Variants in NHSL1 observed in about 807,000 individuals in gnomAD.
The protein encoded by NHSL1 is NHS-like protein 1.
NHSL1 carries 48 observed loss-of-function variants against 95.0 expected under a neutral mutation model. The ratio of observed to expected loss-of-function variants is 0.51; its 90% CI spans 0.40 to 0.64. The LOEUF is 0.64. Ranked by LOEUF, NHSL1 falls within the 30% of genes least tolerant of loss-of-function variation. The pLI is 0.00. For synonymous variants in NHSL1, 783 were observed against 833.9 expected (o/e 0.94, Z 1.05); for missense variants, 1,971 against 2,077.7 (o/e 0.95, Z 1.00).
At chr6:138,689,862 G>C (rs574280746) in intron 1 of NHSL1, among the ~76,000 whole-genome samples, 1 of 152,042 alleles carries the variant, frequency 6.6e-6, no homozygotes, top group South Asian at 2.1e-4. Flanking sequence ...TGGCCAGGCT[G>C]ATCTTGAACT....
chr6:138,504,175 C>G (rs1009430068), upstream of NHSL1, among the ~76,000 whole-genome samples: 19 of 152,124 alleles, frequency 1.2e-4, no homozygotes, highest in African/African-American at 4.6e-4. Context: ...TTTGAGGTTG[C>G]AGTGAGCTAT....
chr6:138,528,792 T>C (rs918540323), intron 1 of NHSL1, among the ~76,000 whole-genome samples: 2 of 152,182 alleles, frequency 1.3e-5, no homozygotes, highest in Admixed American at 6.5e-5. Flanking sequence ...GTTTTTAGAA[T>C]TGCAGTAAGA....
chr6:138,508,858 AT>A (rs150702643), intron 1 of NHSL1, among the ~76,000 whole-genome samples: 7,459 of 152,302 alleles, frequency 0.049, 212 homozygotes, highest in African/African-American at 0.078. Flanking sequence ...CAGAAAAAAA[AT>A]AATTTCATTA....
intron 1 of NHSL1, 57 bp downstream of exon 1, chr6:138,499,176 T>C (rs1463535912): frequency 1.3e-5 from 15 of 1,142,826 alleles, no homozygotes; most frequent in South Asian, 6.7e-5. Context: ...CAGGGACATA[T>C]ACACATATGG....
Position 138,432,122 on chromosome 6 carries a change from T to C in NHSL1, c.2223A>G (p.Thr741=). Residue 741 remains threonine, a synonymous_variant, in exon 6 of 8, where the codon ACA becomes ACG. Coordinates refer to ENST00000343505, the MANE Select transcript of NHSL1 (RefSeq NM_001144060.2). The surrounding 1 kb of genome is among the most constrained non-coding windows in gnomAD (Gnocchi z 4.4). ...AAGTCATGCTGCTGCCAGCACTAACTGTGCTCTGGCTCCGGGAGCGGGGCA... is the reference window on the plus strand; with the variant it reads ...AAGTCATGCTGCTGCCAGCACTAACCGTGCTCTGGCTCCGGGAGCGGGGCA... ...PWLPRSRSQS[T]VSAGSSMTSA... 1 of 1,550,578 alleles carries C rather than the reference T, an allele frequency of 6.4e-7. No homozygotes were observed. The highest frequency in any genetic ancestry group is 8.7e-7 in the Non-Finnish European group (1 of 1,146,224).
rs186514346 is a variant in NHSL1, at chr6:138,686,418, G to A, written c.96+6058C>T. On this transcript the variant is annotated intron_variant, in intron 1 of 3. Transcript: ENST00000491526. ...TGCCTATAGTCCAGGCTACTAGCGA[G>A]GCTGAGGTGGGAGGATCATTTGAGC... 3.5e-3 allele frequency among the ~76,000 whole-genome samples: 529 copies of A among 152,150 alleles called. 3 individuals are homozygous for A. The highest frequency in any genetic ancestry group is 5.5e-3 in the Non-Finnish European group (377 of 68,000).
chr6:138,526,787 A>C (rs527587072), intron 1 of NHSL1, among the ~76,000 whole-genome samples: 1 of 152,208 alleles, frequency 6.6e-6, no homozygotes, highest in Non-Finnish European at 1.5e-5. Flanking sequence ...ATGTAACTTT[A>C]TATCATTTAT....
chr6:138,443,583 T>A (rs923049221), intron 4 of NHSL1, among the ~76,000 whole-genome samples: 7 of 152,158 alleles, frequency 4.6e-5, no homozygotes, highest in Admixed American at 1.3e-4. Flanking sequence ...TCCCAGCACA[T>A]TGGAGAGTTG....
chr6:138,625,852 A>C lies in NHSL1; in HGVS notation c.96+66624T>G, dbSNP rs139782803. ...AGAGATAGGGTCTCACCTGTTCCCC[A>C]GGTGGGTCTCAAACTCTTGGCCTCA... On this transcript the variant is annotated intron_variant, in intron 1 of 3. Transcript: ENST00000491526. Among the ~76,000 whole-genome samples the C allele has an allele frequency of 2.4e-3, 368 of 152,276 alleles. 1 individual carries two copies. Among genetic ancestry groups the C allele is most frequent in the African/African-American group, 8.2e-3 (342 of 41,544 alleles).
At chr6:138,546,858 GA>G (rs563694885), upstream of NHSL1, among the ~76,000 whole-genome samples, 171 of 152,312 alleles carry the variant, frequency 1.1e-3, no homozygotes, top group Middle Eastern at 0.01. Flanking sequence ...AACACAGGTG[GA>G]AAGTGGCAGA....
chr6:138,664,827 T>G (rs867243227), intron 1 of NHSL1, among the ~76,000 whole-genome samples: 1 of 151,990 alleles, frequency 6.6e-6, no homozygotes, highest in African/African-American at 2.4e-5. Flanking sequence ...CAGCAAAGAG[T>G]TGATGTTGCA....
chr6:138,618,170 A>G (rs1164457185), intron 1 of NHSL1, among the ~76,000 whole-genome samples: 1 of 152,236 alleles, frequency 6.6e-6, no homozygotes, highest in African/African-American at 2.4e-5. Context: ...TGCTAAAGGA[A>G]GAATACCTGT....
At chr6:138,516,339 CTTGGGCCTA>C (rs1339640191) in intron 1 of NHSL1, among the ~76,000 whole-genome samples, 1 of 152,100 alleles carries the variant, frequency 6.6e-6, no homozygotes, top group Non-Finnish European at 1.5e-5. Context: ...GGGTGTTCAG[CTTGGGCCTA>C]TTCCTAAAGG....
intron 1 of NHSL1, among the ~76,000 whole-genome samples, chr6:138,645,475 A>AT (rs1785005989): frequency 6.8e-6 from 1 of 148,142 alleles, no homozygotes; most frequent in South Asian, 2.2e-4. Flanking sequence ...GTACTATAAT[A>AT]TTGACTTTTT....
chr6:138,437,014 G>A (rs543196882), intron 5 of NHSL1, among the ~76,000 whole-genome samples: 385 of 152,222 alleles, frequency 2.5e-3, no homozygotes, highest in Middle Eastern at 0.014. Flanking sequence ...GCTCACACCT[G>A]TAATCCCAAC....
intron 1 of NHSL1, among the ~76,000 whole-genome samples, chr6:138,639,365 G>T (rs1232646933): frequency 8.6e-5 from 13 of 151,890 alleles, no homozygotes; most frequent in African/African-American, 3.1e-4. Context: ...ATGGCTGGGC[G>T]CAATGGCTCA....
intron 1 of NHSL1, among the ~76,000 whole-genome samples, chr6:138,642,083 CA>C (rs35110053): frequency 0.32 from 47,737 of 151,284 alleles, 7,938 homozygotes; most frequent in African/African-American, 0.42. Flanking sequence ...CAAATTCATG[CA>C]AAAAAAATCA....
At chr6:138,622,281 T>C (rs561228819) in intron 1 of NHSL1, among the ~76,000 whole-genome samples, 5 of 152,052 alleles carry the variant, frequency 3.3e-5, no homozygotes, top group African/African-American at 1.2e-4. Flanking sequence ...GGTGGGTGGA[T>C]CACGAGGTCA....
rs1464136391 is a variant in NHSL1 at position 138,619,889 on chromosome 6, A to AT, written c.96+72586_96+72587insA. On this transcript the variant is annotated intron_variant, in intron 1 of 3. Coordinates refer to the NHSL1 transcript ENST00000491526. ...CTTGAACCCGGGAAGCGGAGGTTGC[A>AT]GTGAGCTGAGATCGTGCCACTGCAC... 3.0e-4 allele frequency among the ~76,000 whole-genome samples: 44 copies of AT among 147,238 alleles called. 1 individual carries two copies. In the Middle Eastern group the frequency reaches 0.014, roughly 47 times the overall value.
Sources: gnomAD v4.1 joint callset for allele counts (sites outside exome capture counted in the v4.1 genomes callset) on GRCh38, gnomAD v4.1.1 for gene constraint, Gnocchi (gnomAD v3.1) non-coding constraint, MANE v1.5 for transcripts, NCBI Gene and HGNC (gene_info 2026-07-23, HGNC 2026-07-21) for gene names.